ANK2: variants seen among roughly 807,000 people sequenced by gnomAD.
ANK2 encodes ankyrin 2.
A neutral mutation model predicts 360.5 loss-of-function variants in ANK2; 83 were observed. The observed-to-expected ratio is 0.23, with a 90% confidence interval of 0.19 to 0.28. The LOEUF (loss-of-function observed/expected upper bound fraction) is 0.28. Among genes scored for constraint, ANK2 ranks in the 10% least tolerant of loss-of-function variants. ANK2 has a pLI of 1.00. For missense variants in ANK2, 4,201 were observed against 4,795.7 expected, an observed-to-expected ratio of 0.88 and a Z score of 3.66; for synonymous variants, 1,740 against 1,759.5, an observed-to-expected ratio of 0.99 and a Z score of 0.28.
At chr4:112,769,166 G>A in the ANK2 span, among the ~76,000 whole-genome samples, 1 of 152,066 alleles carries the variant, frequency 6.6e-6, no homozygotes, top group Non-Finnish European at 1.5e-5. Flanking sequence ...ACATGCATAT[G>A]TTTGTCATGT....
At chr4:113,161,450 G>A (rs1227973602) in intron 1 of ANK2, among the ~76,000 whole-genome samples, 1 of 151,996 alleles carries the variant, frequency 6.6e-6, no homozygotes, top group East Asian at 1.9e-4. Flanking sequence ...TTACATTTTA[G>A]TGTAAAATTA....
chr4:112,981,876 C>A (rs1290787595), intron 2 of ANK2, among the ~76,000 whole-genome samples: 1 of 152,062 alleles, frequency 6.6e-6, no homozygotes, highest in Admixed American at 6.6e-5. Context: ...GATTTTGTGA[C>A]CCTAATGATA....
At chr4:112,745,985 CTTG>C in the ANK2 span, among the ~76,000 whole-genome samples, 2 of 151,974 alleles carry the variant, frequency 1.3e-5, no homozygotes, top group South Asian at 2.1e-4. Flanking sequence ...TTAAATCATT[CTTG>C]TTGTTGTTAT....
intron 1 of ANK2, among the ~76,000 whole-genome samples, chr4:113,122,323 C>T (rs985222613): frequency 5.9e-5 from 9 of 151,978 alleles, no homozygotes; most frequent in South Asian, 2.1e-4. Flanking sequence ...AGTCCAACTA[C>T]GGAAGTTGCA....
chr4:112,713,488 G>A, the ANK2 span, among the ~76,000 whole-genome samples: 1 of 152,120 alleles, frequency 6.6e-6, no homozygotes, highest in Non-Finnish European at 1.5e-5. Context: ...AGAATCGCTT[G>A]AACCCTGGAG....
At chr4:113,157,973 T>A (rs563024643) in intron 1 of ANK2, among the ~76,000 whole-genome samples, 10 of 152,318 alleles carry the variant, frequency 6.6e-5, no homozygotes, top group African/African-American at 1.9e-4. Flanking sequence ...TGGTAAAAGG[T>A]GTGAGAACAA....
At chr4:113,222,666 C>G (rs1006091520) in intron 4 of ANK2, among the ~76,000 whole-genome samples, 4 of 151,972 alleles carry the variant, frequency 2.6e-5, no homozygotes, top group African/African-American at 9.7e-5. Context: ...CAGTCTCATT[C>G]GTAAAAGGAG....
chr4:112,957,497 G>C lies in ANK2; in HGVS notation c.21+52983G>C, dbSNP rs560612092. Among the ~76,000 whole-genome samples, 8 of 152,192 alleles carry C rather than the reference G, an allele frequency of 5.3e-5. No individual in the cohort carries two copies. The East Asian group carries it at 9.7e-4, about 18-fold the overall frequency. ...CTTTCTATTCCACAAAACCACCATTGTCATCATGGCCCGTTCTCAATGAGC... is the reference window on the plus strand; with the variant it reads ...CTTTCTATTCCACAAAACCACCATTCTCATCATGGCCCGTTCTCAATGAGC... On this transcript the variant is annotated intron_variant, in intron 2 of 30. Coordinates refer to the ANK2 transcript ENST00000503271.
At chr4:113,275,322 A>G (rs1454615217) in intron 15 of ANK2, among the ~76,000 whole-genome samples, 1 of 152,214 alleles carries the variant, frequency 6.6e-6, no homozygotes, top group African/African-American at 2.4e-5. Context: ...TTTGACATTC[A>G]TAATTTGGAG....
chr4:112,930,472 A>T (rs2093083759), intron 2 of ANK2, among the ~76,000 whole-genome samples: 1 of 151,002 alleles, frequency 6.6e-6, no homozygotes, highest in Non-Finnish European at 1.5e-5. Flanking sequence ...AGAAAAGAAA[A>T]TGTTCAAGTG....
intron 11 of ANK2, among the ~76,000 whole-genome samples, chr4:113,256,654 A>C (rs1432510698): frequency 6.6e-6 from 1 of 152,218 alleles, no homozygotes; most frequent in Non-Finnish European, 1.5e-5. Flanking sequence ...TTGTGTCCTA[A>C]TTCCCAAACT....
intron 2 of ANK2, among the ~76,000 whole-genome samples, chr4:113,027,245 A>T (rs187604863): frequency 6.6e-6 from 1 of 152,016 alleles, no homozygotes; most frequent in South Asian, 2.1e-4. Flanking sequence ...TAAAGTTATG[A>T]CTCATTATTT....
At chr4:113,070,721 C>T (rs988071782) in intron 1 of ANK2, among the ~76,000 whole-genome samples, 7 of 152,032 alleles carry the variant, frequency 4.6e-5, no homozygotes, top group Non-Finnish European at 7.4e-5. Flanking sequence ...AGCAAAGATC[C>T]ATCAACCTTA....
At position 113,381,317 on chromosome 4, in the gene ANK2, A is replaced by G; in HGVS notation, c.11860-140A>G. On this transcript the variant is annotated intron_variant, in intron 45 of 45. Coordinates refer to ENST00000357077, the MANE Select transcript of ANK2 (RefSeq NM_001148.6). ...AAGAAAGACACAAAAAGATGTCTAT[A>G]GTTTGTTATGCTAATAGTTTGCTGT... The G allele has an allele frequency of 3.5e-6, 3 of 865,352 alleles. No homozygotes were observed. The Admixed American group carries it at 5.8e-5, about 17-fold the overall frequency. The allele number at this position is 865,352 out of a possible 1,614,324, so 53.6% of individuals were successfully genotyped here. A position where few individuals can be genotyped will look rare whatever the true frequency, so the allele number is the denominator to read the frequency against.
At chr4:113,317,632 C>T (rs1231109525) in intron 24 of ANK2, 75 bp from the exon 25 acceptor site, 2 of 1,138,594 alleles carry the variant, frequency 1.8e-6, no homozygotes, top group South Asian at 1.3e-5. Flanking sequence ...CACTCTCCTG[C>T]TCGGCTCATC....
the ANK2 span, among the ~76,000 whole-genome samples, chr4:112,708,228 T>C: frequency 6.6e-6 from 1 of 152,222 alleles, no homozygotes; most frequent in Non-Finnish European, 1.5e-5. Context: ...GTGTCACTGT[T>C]TCCTGGACAT....
chr4:112,963,011 CT>C (rs2035585080), intron 2 of ANK2, among the ~76,000 whole-genome samples: 1 of 151,962 alleles, frequency 6.6e-6, no homozygotes, highest in Non-Finnish European at 1.5e-5. Context: ...TTTTCCATCA[CT>C]TAATTTTTGA....
intron 45 of ANK2, among the ~76,000 whole-genome samples, chr4:113,380,692 G>A (rs1274891427): frequency 3.9e-5 from 6 of 152,354 alleles, no homozygotes; most frequent in Middle Eastern, 3.4e-3. Context: ...CTTTTCTCAA[G>A]TAACCACCAG....
intron 1 of ANK2, among the ~76,000 whole-genome samples, chr4:113,111,226 T>C (rs2094260426): frequency 6.6e-6 from 1 of 152,188 alleles, no homozygotes; most frequent in South Asian, 2.1e-4. Flanking sequence ...AATAGTCTAA[T>C]TAAAATATTC....
Sources: gnomAD v4.1 joint callset for allele counts (sites outside exome capture counted in the v4.1 genomes callset) on GRCh38, gnomAD v4.1.1 for gene constraint, MANE v1.5 for transcripts, NCBI Gene and HGNC (gene_info 2026-07-23, HGNC 2026-07-21) for gene names.